The following RIMS2 variants were observed in gnomAD, a reference collection of about 807,000 sequenced individuals.
RIMS2 encodes regulating synaptic membrane exocytosis protein 2.
RIMS2 carries 59 observed loss-of-function variants against 174.4 expected under a neutral mutation model. The observed-to-expected ratio is 0.34, with a 90% CI of 0.27 to 0.42. The LOEUF (loss-of-function observed/expected upper bound fraction) is 0.42. Ranked by LOEUF, RIMS2 falls within the 10% of genes least tolerant of loss-of-function variation. The pLI, the probability that RIMS2 is intolerant of heterozygous loss-of-function variation, is 1.00. For missense variants in RIMS2, 1,620 were observed against 1,666.3 expected, an observed-to-expected ratio of 0.97 and a Z score of 0.48; for synonymous variants, 606 against 572.5, an observed-to-expected ratio of 1.06 and a Z score of -0.84.
intron 19 of RIMS2, among the ~76,000 whole-genome samples, chr8:104,196,786 T>TC (rs77755502): frequency 0.3 from 45,105 of 151,346 alleles, 7,065 homozygotes; most frequent in African/African-American, 0.36. Flanking sequence ...CAAATATCCA[T>TC]ATTTAATTTA....
Position 104,013,381 on chromosome 8 carries a change from A to G in RIMS2, c.3045-61A>G, listed in dbSNP as rs567702988. ...TTTTTCAAAATCAGTTTGATGCATC[A>G]TAACCAAATAGCAGAAGGGCACTAA... On this transcript the variant is annotated intron_variant, in intron 17 of 23. Coordinates refer to ENST00000504942, the Ensembl canonical transcript of RIMS2. 43 of 1,397,358 alleles carry G rather than the reference A, an allele frequency of 3.1e-5. 1 individual carries two copies. The South Asian group carries it at 4.6e-4, about 15-fold the overall frequency. 86.6% of individuals were successfully genotyped at this position (1,397,358 alleles called of 1,614,324 possible).
chr8:103,923,245 C>A (rs117289978), intron 10 of RIMS2, among the ~76,000 whole-genome samples: 1 of 151,516 alleles, frequency 6.6e-6, no homozygotes, highest in East Asian at 1.9e-4. Flanking sequence ...TGGATGATCC[C>A]AGTCCATAAA....
intron 1 of RIMS2, among the ~76,000 whole-genome samples, chr8:103,521,692 C>G (rs1194248477): frequency 6.6e-6 from 1 of 151,908 alleles, no homozygotes; most frequent in African/African-American, 2.4e-5. Context: ...GGTGTCATGC[C>G]AAATGTGGGA....
chr8:103,892,384 A>T (rs551902421), intron 4 of RIMS2, among the ~76,000 whole-genome samples: 6 of 151,566 alleles, frequency 4.0e-5, no homozygotes, highest in African/African-American at 1.5e-4. Context: ...TTTTATTTTT[A>T]TTAGAGATGA....
chr8:104,033,947 A>G (rs2096456121), intron 19 of RIMS2, among the ~76,000 whole-genome samples: 1 of 152,158 alleles, frequency 6.6e-6, no homozygotes, highest in Non-Finnish European at 1.5e-5. Context: ...CTTATGTTTA[A>G]GTGCATTTAT....
At chr8:104,070,304 T>C (rs2097175333) in intron 19 of RIMS2, among the ~76,000 whole-genome samples, 1 of 152,230 alleles carries the variant, frequency 6.6e-6, no homozygotes, top group Admixed American at 6.5e-5. Context: ...AATTCTGATA[T>C]ACTGGAAATG....
chr8:103,786,265 T>A (rs1477183948), intron 3 of RIMS2, among the ~76,000 whole-genome samples: 1 of 152,198 alleles, frequency 6.6e-6, no homozygotes, highest in East Asian at 1.9e-4. Flanking sequence ...TGTGTCTCTA[T>A]TTCCTTCAGT....
At chr8:104,223,621 G>T in intron 19 of RIMS2, 1 of 1,579,536 alleles carries the variant, frequency 6.3e-7, no homozygotes, top group Non-Finnish European at 8.5e-7. Flanking sequence ...CGCGTATCTT[G>T]TACCGCGGGA....
chr8:103,629,358 G>A (rs1011901879), intron 1 of RIMS2, among the ~76,000 whole-genome samples: 9 of 152,310 alleles, frequency 5.9e-5, no homozygotes, highest in Admixed American at 3.3e-4. Context: ...AACAGCAAAC[G>A]CTTTAAGAAC....
intron 1 of RIMS2, among the ~76,000 whole-genome samples, chr8:103,553,851 G>A (rs572225745): frequency 3.8e-5 from 5 of 131,576 alleles, no homozygotes; most frequent in Admixed American, 3.5e-4. Flanking sequence ...TACAAAAACA[G>A]ACAGATAGAC....
intron 17 of RIMS2, among the ~76,000 whole-genome samples, chr8:104,000,312 C>T (rs534416202): frequency 2.6e-5 from 4 of 151,684 alleles, no homozygotes; most frequent in Non-Finnish European, 4.4e-5. Flanking sequence ...TTTGTCTTTC[C>T]GTGCCTAGCT....
At chr8:103,800,382 T>G (rs1374993968) in intron 3 of RIMS2, among the ~76,000 whole-genome samples, 1 of 152,188 alleles carries the variant, frequency 6.6e-6, no homozygotes, top group Non-Finnish European at 1.5e-5. Flanking sequence ...ATAGAAGTGG[T>G]GAGAGTAACG....
intron 1 of RIMS2, among the ~76,000 whole-genome samples, chr8:103,509,137 C>G (rs1195824561): frequency 6.6e-6 from 1 of 151,640 alleles, no homozygotes; most frequent in Non-Finnish European, 1.5e-5. Flanking sequence ...TAAAAAGGAC[C>G]AAAAGGGACA....
intron 3 of RIMS2, among the ~76,000 whole-genome samples, chr8:103,848,040 TC>T (rs2098977129): frequency 6.6e-6 from 1 of 152,046 alleles, no homozygotes; most frequent in Middle Eastern, 3.4e-3. Context: ...CAAAGGTCCA[TC>T]CACATGCCTC....
intron 1 of RIMS2, among the ~76,000 whole-genome samples, chr8:103,573,549 G>C (rs900959823): frequency 6.6e-6 from 1 of 151,904 alleles, no homozygotes; most frequent in African/African-American, 2.4e-5. Flanking sequence ...TTTGTTTTTG[G>C]GTTCTCTATT....
intron 1 of RIMS2, among the ~76,000 whole-genome samples, chr8:103,524,828 T>C (rs1833237534): frequency 6.6e-6 from 1 of 152,226 alleles, no homozygotes; most frequent in Admixed American, 6.5e-5. Flanking sequence ...AGTTATCTGG[T>C]GCTGCTATTG....
intron 19 of RIMS2, among the ~76,000 whole-genome samples, chr8:104,181,625 T>G (rs547738359): frequency 1.2e-4 from 18 of 151,738 alleles, no homozygotes; most frequent in Non-Finnish European, 2.7e-4. Context: ...ACAATTTTTC[T>G]CTTAAAAGTA....
intron 19 of RIMS2, among the ~76,000 whole-genome samples, chr8:104,078,090 G>A (rs1356754227): frequency 6.6e-6 from 1 of 151,052 alleles, no homozygotes; most frequent in Admixed American, 6.6e-5. Context: ...GTTGCAATGA[G>A]CCGAGATCGC....
intron 19 of RIMS2, among the ~76,000 whole-genome samples, chr8:104,069,944 CTT>C (rs1452146944): frequency 3.3e-5 from 5 of 152,118 alleles, no homozygotes; most frequent in African/African-American, 1.2e-4. Flanking sequence ...GCTGTTATGA[CTT>C]AGTAATTGAA....
Sources: allele counts gnomAD v4.1 joint callset (sites outside exome capture counted in the v4.1 genomes callset), GRCh38; gene constraint gnomAD v4.1.1; transcripts MANE v1.5; gene names NCBI Gene and HGNC (gene_info 2026-07-23, HGNC 2026-07-21).